The following KDM2A variants were observed in gnomAD, a reference collection of about 807,000 sequenced individuals.
KDM2A encodes the protein lysine-specific demethylase 2A.
A neutral mutation model predicts 137.3 loss-of-function variants in KDM2A; 3 were observed. The observed-to-expected ratio is 0.02, with a 90% CI of 0.01 to 0.06. The LOEUF (loss-of-function observed/expected upper bound fraction) is 0.06, where lower values mean the gene tolerates loss of function less well. Among genes scored for constraint, KDM2A ranks in the 10% least tolerant of loss-of-function variants. The pLI is 1.00. For missense variants in KDM2A, 738 were observed against 1,510.6 expected (o/e 0.49, Z 8.48); for synonymous variants, 512 against 541.5 (o/e 0.95, Z 0.76).
At chr11:67,201,130 C>T (rs1354597046) in intron 5 of KDM2A, among the ~76,000 whole-genome samples, 1 of 150,830 alleles carries the variant, frequency 6.6e-6, no homozygotes. Context: ...GGAGGCGGAG[C>T]TTGCAGTGAG....
intron 2 of KDM2A, among the ~76,000 whole-genome samples, chr11:67,173,278 A>G (rs1253250722): frequency 6.6e-6 from 1 of 152,174 alleles, no homozygotes; most frequent in African/African-American, 2.4e-5. Context: ...ATGCGCCACC[A>G]TGCGTGGCTA....
At chr11:67,242,591 T>C (rs1565421546) in intron 12 of KDM2A, among the ~76,000 whole-genome samples, 1 of 152,230 alleles carries the variant, frequency 6.6e-6, no homozygotes, top group Non-Finnish European at 1.5e-5. Context: ...GTTAGTTGTT[T>C]CAGTGTGTTA....
At chr11:67,170,387 GTT>G (rs796555976) in intron 2 of KDM2A, among the ~76,000 whole-genome samples, 2 of 56,328 alleles carry the variant, frequency 3.6e-5, no homozygotes, top group African/African-American at 7.0e-5. Flanking sequence ...CAAGCATGGG[GTT>G]TTTTTTTTTT....
intron 5 of KDM2A, among the ~76,000 whole-genome samples, chr11:67,202,012 TATCAACATTAAC>T (rs1316540007): frequency 2.0e-5 from 3 of 152,008 alleles, no homozygotes; most frequent in Non-Finnish European, 4.4e-5. Flanking sequence ...GAGGTCAAAA[TATCAACATTAAC>T]AGGAGTTTGG....
intron 2 of KDM2A, among the ~76,000 whole-genome samples, chr11:67,129,466 G>A (rs940518312): frequency 7.9e-5 from 12 of 152,026 alleles, no homozygotes; most frequent in Non-Finnish European, 1.5e-4. Flanking sequence ...CGGGCGCGGT[G>A]GCTCACACCT....
rs747423145 is a variant in KDM2A, at chr11:67,250,774, G to A, written c.2744G>A (p.Arg915Gln). The change falls in exon 17 of 21, where the codon CGA becomes CAA. Residue 915 changes from arginine to glutamine, a missense_variant. Arg to Gln is a conservative substitution (Grantham distance 43). Transcript: ENST00000529006. This position sits in a 1 kb window ranked among gnomAD's most constrained non-coding sequence, Gnocchi z 7.1. ...CGCAGAGAACTTTGTGAATGTATGC[G>A]AGTGTGCAAGACGTGGTATAAATGG... ...LSRRELCECM[R>Q]VCKTWYKWCC... 22 of 1,537,654 alleles carry A rather than the reference G, an allele frequency of 1.4e-5. No homozygotes were observed. The highest frequency in any genetic ancestry group is 2.3e-5 in the East Asian group (1 of 44,174).
At chr11:67,138,808 T>C (rs1856028208) in intron 2 of KDM2A, among the ~76,000 whole-genome samples, 1 of 152,160 alleles carries the variant, frequency 6.6e-6, no homozygotes, top group Admixed American at 6.6e-5. Context: ...CTCAACAGCC[T>C]GTGTTTCAAC....
chr11:67,138,232 GC>G (rs1322773141), intron 2 of KDM2A, among the ~76,000 whole-genome samples: 1 of 152,120 alleles, frequency 6.6e-6, no homozygotes, highest in East Asian at 1.9e-4. Context: ...CAAGGAATAT[GC>G]TTTATTCAGG....
chr11:67,191,812 T>C (rs892320660), intron 5 of KDM2A, among the ~76,000 whole-genome samples: 3 of 152,186 alleles, frequency 2.0e-5, no homozygotes, highest in African/African-American at 7.2e-5. Flanking sequence ...CTCTATTCAA[T>C]GTAGCACTGG....
At chr11:67,124,920 C>G (rs936961137) in intron 2 of KDM2A, among the ~76,000 whole-genome samples, 1 of 146,320 alleles carries the variant, frequency 6.8e-6, no homozygotes, top group Non-Finnish European at 1.5e-5. Context: ...TGCAGTGGCT[C>G]GATCTTGGCT....
At chr11:67,209,104 AT>A (rs971358003) in intron 6 of KDM2A, among the ~76,000 whole-genome samples, 1 of 150,630 alleles carries the variant, frequency 6.6e-6, no homozygotes, top group Non-Finnish European at 1.5e-5. Context: ...TAATTTTTGT[AT>A]TTTTTTTGTT....
intron 15 of KDM2A, among the ~76,000 whole-genome samples, chr11:67,247,078 T>A (rs1371047523): frequency 4.5e-4 from 35 of 77,772 alleles, no homozygotes; most frequent in Middle Eastern, 5.0e-3. Context: ...TATATTTTTT[T>A]TTTTTTTTTT....
chr11:67,253,229 C>T (rs1453824838), intron 18 of KDM2A, among the ~76,000 whole-genome samples: 1 of 152,168 alleles, frequency 6.6e-6, no homozygotes, highest in African/African-American at 2.4e-5. Flanking sequence ...GGAAGTCACT[C>T]CTTCTTGTAT....
chr11:67,125,850 A>G (rs1054568441), intron 2 of KDM2A, among the ~76,000 whole-genome samples: 17 of 150,096 alleles, frequency 1.1e-4, no homozygotes, highest in African/African-American at 3.9e-4. Flanking sequence ...AGGCTGAGTC[A>G]GGAGAATCAC....
intron 6 of KDM2A, among the ~76,000 whole-genome samples, chr11:67,211,690 T>G (rs976762925): frequency 6.6e-6 from 1 of 151,036 alleles, no homozygotes; most frequent in African/African-American, 2.4e-5. Flanking sequence ...TTTTTTAATA[T>G]TCAAAAACTT....
chr11:67,168,951 GTTTTTTTT>G (rs11335055), intron 2 of KDM2A, among the ~76,000 whole-genome samples: 1 of 62,230 alleles, frequency 1.6e-5, no homozygotes, highest in Non-Finnish European at 3.2e-5. Context: ...AATCCATGTA[GTTTTTTTT>G]TTTTTTTTTT....
intron 2 of KDM2A, among the ~76,000 whole-genome samples, chr11:67,170,090 T>C (rs976785322): frequency 6.6e-6 from 1 of 152,088 alleles, no homozygotes; most frequent in African/African-American, 2.4e-5. Context: ...TATAATAAAT[T>C]ATAACTACAA....
intron 2 of KDM2A, among the ~76,000 whole-genome samples, chr11:67,152,481 A>T (rs770795441): frequency 6.6e-6 from 1 of 151,810 alleles, no homozygotes; most frequent in East Asian, 1.9e-4. Flanking sequence ...GGTGGTGCAC[A>T]TCTGTAGTCC....
chr11:67,255,657 T>G lies in KDM2A; in HGVS notation c.*602T>G, dbSNP rs1455874033. On this transcript the variant is annotated 3_prime_UTR_variant, in exon 21 of 21. Coordinates refer to ENST00000529006, the MANE Select transcript of KDM2A (RefSeq NM_012308.3). ...TCCTTTCCTCTCCCTTGAGCTTGGT[T>G]CTGCCCAGCACTCGTGCTTGTTCAC... 2.2e-6 allele frequency: 1 copy of G among 445,538 alleles called. No individual in the cohort carries two copies. The highest frequency in any genetic ancestry group is 4.5e-6 in the Non-Finnish European group (1 of 220,236). 27.6% of individuals were successfully genotyped at this position (445,538 alleles called of 1,614,324 possible).
Sources: allele counts gnomAD v4.1 joint callset (sites outside exome capture counted in the v4.1 genomes callset), GRCh38; gene constraint gnomAD v4.1.1; non-coding constraint Gnocchi (gnomAD v3.1); transcripts MANE v1.5; gene names NCBI Gene and HGNC (gene_info 2026-07-23, HGNC 2026-07-21).